The following VIPR1 variants were observed in gnomAD, a reference collection of about 807,000 sequenced individuals.
The protein encoded by VIPR1 is vasoactive intestinal polypeptide receptor 1.
In VIPR1, 59 loss-of-function variants were observed where a neutral mutation model predicts 58.8. The observed-to-expected ratio is 1.00, with a 90% confidence interval of 0.81 to 1.25. The LOEUF (loss-of-function observed/expected upper bound fraction) is 1.25. Among genes scored for constraint, VIPR1 ranks in the 50% most tolerant of loss-of-function variants. The probability of loss-of-function intolerance (pLI) is 0.00; values close to 1 mark genes in which losing one functional copy is unlikely to be tolerated. For missense variants in VIPR1, 626 were observed against 602.7 expected (o/e 1.04, Z -0.40); for synonymous variants, 251 against 242.1 (o/e 1.04, Z -0.34).
chr3:42,518,907 A>T (rs925394119), intron 2 of VIPR1, among the ~76,000 whole-genome samples: 1 of 152,176 alleles, frequency 6.6e-6, no homozygotes, highest in Non-Finnish European at 1.5e-5. Flanking sequence ...ATCCCTGGTG[A>T]CTGCCCATCA....
At chr3:42,502,485 C>T, upstream of VIPR1, 1 of 347,466 alleles carries the variant, frequency 2.9e-6, no homozygotes, top group Non-Finnish European at 5.2e-6. Flanking sequence ...GCAGAGCTTC[C>T]TCACTGGCAG....
In VIPR1 at chr3:42,515,129, A is replaced by G. The variant is rs975408942; in HGVS notation, c.184+1275A>G. Among the ~76,000 whole-genome samples, 8 of 152,330 alleles carry G rather than the reference A, an allele frequency of 5.3e-5. No individual in the cohort carries two copies. The South Asian group carries it at 8.3e-4, about 16-fold the overall frequency. On this transcript the variant is annotated intron_variant, in intron 2 of 12. Coordinates refer to ENST00000325123, the MANE Select transcript of VIPR1 (RefSeq NM_004624.4). ...TTACAGTTATGTAACAGCCTTGCTC[A>G]GGAGCAGGGAGCATCTTTACGTCTT...
intron 1 of VIPR1, among the ~76,000 whole-genome samples, chr3:42,491,472 G>A (rs1403018721): frequency 5.9e-5 from 9 of 152,180 alleles, no homozygotes; most frequent in Non-Finnish European, 1.2e-4. Context: ...GAGGTAGAGG[G>A]ACAGAGGAAA....
At chr3:42,520,532 G>T (rs1700863826) in intron 3 of VIPR1, among the ~76,000 whole-genome samples, 1 of 152,050 alleles carries the variant, frequency 6.6e-6, no homozygotes, top group African/African-American at 2.4e-5. Context: ...GGAGGGAATG[G>T]GAGTGAGTGA....
chr3:42,517,667 C>T (rs1700701504), intron 2 of VIPR1, among the ~76,000 whole-genome samples: 1 of 152,172 alleles, frequency 6.6e-6, no homozygotes, highest in South Asian at 2.1e-4. Context: ...TTGGGGGAAT[C>T]TGTGTTGTTC....
rs576192567 is a variant in VIPR1 at position 42,531,745 on chromosome 3, G to C, written c.852-58G>C. The stretch of plus-strand genomic sequence containing the variant: ...GCTGGGGACAACTGGGGGAGGTGCT[G>C]CTGAGTCTCTCTCTGGCTGAGGACA... On this transcript the variant is annotated intron_variant, in intron 8 of 12. Coordinates refer to ENST00000325123, the MANE Select transcript of VIPR1 (RefSeq NM_004624.4). The C allele has an allele frequency of 9.9e-5, 159 of 1,609,116 alleles. 1 individual carries two copies. In the South Asian group the frequency reaches 1.7e-3, roughly 17 times the overall value.
At chr3:42,525,643 C>A (rs1701191025) in intron 3 of VIPR1, among the ~76,000 whole-genome samples, 1 of 152,206 alleles carries the variant, frequency 6.6e-6, no homozygotes. Flanking sequence ...CAGACCATAA[C>A]AAAAGGGCTG....
At chr3:42,512,552 AC>A in intron 1 of VIPR1, among the ~76,000 whole-genome samples, 1 of 152,256 alleles carries the variant, frequency 6.6e-6, no homozygotes, top group Admixed American at 6.5e-5. Flanking sequence ...CCACGGACCC[AC>A]TTCAAGAATC....
At chr3:42,508,192 A>C (rs1700205737) in intron 1 of VIPR1, among the ~76,000 whole-genome samples, 1 of 152,174 alleles carries the variant, frequency 6.6e-6, no homozygotes, top group African/African-American at 2.4e-5. Flanking sequence ...GCCTGGCATG[A>C]GGACTGGACT....
intron 2 of VIPR1, among the ~76,000 whole-genome samples, chr3:42,514,176 A>G (rs896769703): frequency 7.9e-5 from 12 of 152,076 alleles, no homozygotes; most frequent in African/African-American, 2.7e-4. Context: ...CCCACCCAGG[A>G]CACAAGGCCC....
chr3:42,527,896 C>T (rs957981299), intron 5 of VIPR1, 95 bp from the exon 6 acceptor site: 1 of 1,528,094 alleles, frequency 6.5e-7, no homozygotes, highest in Non-Finnish European at 8.9e-7. Context: ...GACACATGCT[C>T]CCCTGCCCCA....
intron 12 of VIPR1, 139 bp downstream of exon 12, chr3:42,535,523 G>A (rs1484340282): frequency 3.4e-6 from 3 of 884,278 alleles, no homozygotes; most frequent in Non-Finnish European, 5.5e-6. Flanking sequence ...AGTAGCACTG[G>A]TGTCACCTAG....
Position 42,532,312 on chromosome 3 carries a change from A to G in VIPR1, c.989A>G (p.Lys330Arg), listed in dbSNP as rs1403112993. 1 of 1,614,148 alleles carries G rather than the reference A, an allele frequency of 6.2e-7. No individual in the cohort carries two copies. Among genetic ancestry groups the G allele is most frequent in the Non-Finnish European group, 8.5e-7 (1 of 1,180,024 alleles). Residue 330 changes from lysine to arginine, a missense_variant, in exon 10 of 13, where the codon AAG (lysine) becomes AGG (arginine). Lys to Arg is a conservative substitution (Grantham distance 26, BLOSUM62 2). Coordinates refer to ENST00000325123, the MANE Select transcript of VIPR1 (RefSeq NM_004624.4). ...LQKLRPPDIR[K>R]SDSSPYSRLA... The stretch of plus-strand genomic sequence containing the variant: ...AAACTGCGGCCCCCAGATATCAGGA[A>G]GAGTGACAGCAGTCCATACTCGTGA...
At chr3:42,510,023 A>G (rs1700290235) in intron 1 of VIPR1, among the ~76,000 whole-genome samples, 1 of 152,154 alleles carries the variant, frequency 6.6e-6, no homozygotes, top group Non-Finnish European at 1.5e-5. Context: ...GTTGGCCCCC[A>G]TGGCCTAGGA....
At chr3:42,523,094 C>G (rs1221758069) in intron 3 of VIPR1, among the ~76,000 whole-genome samples, 2 of 149,388 alleles carry the variant, frequency 1.3e-5, no homozygotes, top group East Asian at 3.9e-4. Flanking sequence ...ACCCCGCCCC[C>G]AGTGGAGTGT....
intron 1 of VIPR1, among the ~76,000 whole-genome samples, chr3:42,505,384 G>GGGGAGA (rs1700074073): frequency 1.3e-5 from 2 of 152,214 alleles, no homozygotes; most frequent in Non-Finnish European, 2.9e-5. Context: ...CCCCAACTCT[G>GGGGAGA]AGGTTGATCA....
intron 1 of VIPR1, among the ~76,000 whole-genome samples, chr3:42,495,965 C>T (rs1699751173): frequency 6.6e-6 from 1 of 151,918 alleles, no homozygotes; most frequent in South Asian, 2.1e-4. Flanking sequence ...TTTATATGGA[C>T]TTCTGACTCT....
chr3:42,531,132 C>T, intron 7 of VIPR1, 200 bp downstream of exon 7: 2 of 697,786 alleles, frequency 2.9e-6, no homozygotes, highest in South Asian at 1.9e-5. Flanking sequence ...TGCAGCTGCA[C>T]CTAGGGCTGA....
intron 1 of VIPR1, among the ~76,000 whole-genome samples, chr3:42,491,024 A>G (rs767319568): frequency 6.6e-6 from 1 of 152,148 alleles, no homozygotes; most frequent in Non-Finnish European, 1.5e-5. Flanking sequence ...GTGTTCCACA[A>G]TAGTCAGTCT....
Sources: gnomAD v4.1 joint callset for allele counts (sites outside exome capture counted in the v4.1 genomes callset) on GRCh38, gnomAD v4.1.1 for gene constraint, MANE v1.5 for transcripts, NCBI Gene and HGNC (gene_info 2026-07-23, HGNC 2026-07-21) for gene names.